The following ZNF723 variants were observed in gnomAD, a reference collection of about 807,000 sequenced individuals.
The protein encoded by ZNF723 is zinc finger protein 723.
A neutral mutation model predicts 9.4 loss-of-function variants in ZNF723; 5 were observed. The observed-to-expected ratio is 0.53, with a 90% CI of 0.28 to 1.12. The LOEUF is 1.12. ZNF723 is among the 50% of genes most tolerant of loss of function. The pLI, the probability that ZNF723 is intolerant of heterozygous loss-of-function variation, is 0.10. For missense variants in ZNF723, 450 were observed against 501.5 expected (o/e 0.90, Z 0.98); for synonymous variants, 158 against 168.8 (o/e 0.94, Z 0.49).
At chr19:22,836,876 G>A (rs1392405018) in intron 1 of ZNF723, among the ~76,000 whole-genome samples, 1 of 152,128 alleles carries the variant, frequency 6.6e-6, no homozygotes, top group Admixed American at 6.6e-5. Context: ...TTCCTGGGTT[G>A]TATCTTTTAT....
intron 1 of ZNF723, among the ~76,000 whole-genome samples, chr19:22,836,672 CTT>C (rs547426453): frequency 7.7e-4 from 117 of 152,250 alleles, no homozygotes; most frequent in Non-Finnish European, 1.4e-3. Flanking sequence ...AGAAGATAAA[CTT>C]AAGTGAAGTT....
upstream of ZNF723, among the ~76,000 whole-genome samples, chr19:22,828,030 A>C (rs577685531): frequency 6.6e-5 from 10 of 152,220 alleles, no homozygotes; most frequent in East Asian, 2.0e-3. Flanking sequence ...CAGTGAGCTG[A>C]GATTGTGACT....
At chr19:22,839,658 A>G (rs1196276461) in intron 1 of ZNF723, among the ~76,000 whole-genome samples, 2 of 151,852 alleles carry the variant, frequency 1.3e-5, no homozygotes, top group Admixed American at 1.3e-4. Context: ...TATTTTTAGT[A>G]GAGATGGGGT....
intron 3 of ZNF723, among the ~76,000 whole-genome samples, chr19:22,855,273 G>T (rs556986682): frequency 1.5e-3 from 216 of 147,790 alleles, no homozygotes; most frequent in African/African-American, 5.4e-3. Flanking sequence ...CTGTCACCCA[G>T]GCTGGAGTAC....
At chr19:22,830,535 A>AT (rs1491472262), upstream of ZNF723, among the ~76,000 whole-genome samples, 9 of 152,088 alleles carry the variant, frequency 5.9e-5, no homozygotes, top group African/African-American at 2.2e-4. Flanking sequence ...AAAAAAAAAA[A>AT]ATCCAGCTTC....
Position 22,857,826 on chromosome 19 carries a change from C to T in ZNF723, c.935C>T (p.Pro312Leu), listed in dbSNP as rs762185807. The change falls in exon 4 of 4, where the codon CCC becomes CTC. Residue 312 changes from proline (P) to leucine (L), a missense_variant. Pro to Leu is a moderately conservative substitution (Grantham distance 98). Transcript: ENST00000600766. ...AAGAGAATTCATACTGGAGAGAAACCCTACAAATGTGAAGAATGTGGCAAA... is the reference window on the plus strand; with the variant it reads ...AAGAGAATTCATACTGGAGAGAAACTCTACAAATGTGAAGAATGTGGCAAA... ...NHKRIHTGEK[P>L]YKCEECGKAF... 1.4e-5 allele frequency: 20 copies of T among 1,392,608 alleles called. No individual in the cohort carries two copies. The East Asian group carries it at 4.1e-4, about 29-fold the overall frequency. The allele number at this position is 1,392,608 out of a possible 1,614,324, so 86.3% of individuals were successfully genotyped here.
upstream of ZNF723, among the ~76,000 whole-genome samples, chr19:22,828,029 G>C (rs1279166273): frequency 3.9e-5 from 6 of 152,070 alleles, no homozygotes; most frequent in Admixed American, 6.5e-5. Flanking sequence ...GCAGTGAGCT[G>C]AGATTGTGAC....
chr19:22,820,330 C>T, the ZNF723 span, among the ~76,000 whole-genome samples: 1 of 152,188 alleles, frequency 6.6e-6, no homozygotes, highest in Non-Finnish European at 1.5e-5. Context: ...AGAATTGTGA[C>T]ATATCACTGG....
At chr19:22,853,939 A>G (rs1413450961) in intron 3 of ZNF723, among the ~76,000 whole-genome samples, 2 of 152,148 alleles carry the variant, frequency 1.3e-5, no homozygotes, top group Admixed American at 1.3e-4. Flanking sequence ...AAGGGTGTGT[A>G]TCCTGATGTT....
chr19:22,825,067 CA>C, the ZNF723 span, among the ~76,000 whole-genome samples: 1 of 152,122 alleles, frequency 6.6e-6, no homozygotes, highest in South Asian at 2.1e-4. Context: ...CACACCCACC[CA>C]AATGTAAAAG....
chr19:22,850,143 CA>C (rs1568407333), intron 3 of ZNF723, among the ~76,000 whole-genome samples: 1 of 148,016 alleles, frequency 6.8e-6, no homozygotes, highest in African/African-American at 2.5e-5. Context: ...TTTGGCTATT[CA>C]AAGTTTATTG....
chr19:22,845,576 T>C (rs1022759308), intron 1 of ZNF723, among the ~76,000 whole-genome samples: 1 of 152,152 alleles, frequency 6.6e-6, no homozygotes, highest in African/African-American at 2.4e-5. Flanking sequence ...GTGTGGCCCA[T>C]ATTTTTATTA....
intron 1 of ZNF723, among the ~76,000 whole-genome samples, chr19:22,841,532 C>G (rs114052504): frequency 0.014 from 2,143 of 152,308 alleles, 39 homozygotes; most frequent in African/African-American, 0.049. Flanking sequence ...TTTCCACACA[C>G]TGTCTAGAAT....
the ZNF723 span, among the ~76,000 whole-genome samples, chr19:22,826,029 C>T: frequency 2.0e-5 from 3 of 152,334 alleles, no homozygotes; most frequent in South Asian, 2.1e-4. Context: ...GGGTTCATCA[C>T]CTAGATGATG....
upstream of ZNF723, among the ~76,000 whole-genome samples, chr19:22,828,315 C>T (rs551515784): frequency 1.3e-5 from 2 of 152,228 alleles, no homozygotes; most frequent in African/African-American, 4.8e-5. Flanking sequence ...GAGTTTTGGT[C>T]ACACTCTGAC....
the ZNF723 span, among the ~76,000 whole-genome samples, chr19:22,824,086 T>C: frequency 6.6e-6 from 1 of 152,230 alleles, no homozygotes; most frequent in Non-Finnish European, 1.5e-5. Flanking sequence ...AAACTATTGC[T>C]TAAACTAGCA....
rs34792208 is a variant in ZNF723, at chr19:22,833,926, CTTTTTTTTTTTTT to C, written c.3+1554_3+1566del. On this transcript the variant is annotated intron_variant, in intron 1 of 3. Coordinates refer to ENST00000600766, the MANE Select transcript of ZNF723 (RefSeq NM_001349726.2). ...CGGCCGCTATTTGTTTTTTAGCGTA[CTTTTTTTTTTTTT>C]TTTTTTTTTCCGAGTCTCCTTCTGT... Among the ~76,000 whole-genome samples, 354 of 89,324 alleles carry C rather than the reference CTTTTTTTTTTTTT, an allele frequency of 4.0e-3. 3 individuals are homozygous for C. Among genetic ancestry groups the C allele is most frequent in the African/African-American group, 0.015 (339 of 22,892 alleles). 58.6% of individuals were successfully genotyped at this position (89,324 alleles called of 152,430 possible). A position where few individuals can be genotyped will look rare whatever the true frequency, so the allele number is the denominator to read the frequency against.
chr19:22,852,054 G>T (rs35535145), intron 3 of ZNF723, among the ~76,000 whole-genome samples: 31,945 of 152,038 alleles, frequency 0.21, 3,990 homozygotes, highest in African/African-American at 0.35. Flanking sequence ...CTCCCAAAGT[G>T]CTGGGATTAC....
upstream of ZNF723, among the ~76,000 whole-genome samples, chr19:22,831,555 T>C (rs188743891): frequency 7.6e-3 from 1,120 of 148,236 alleles, 10 homozygotes; most frequent in African/African-American, 0.027. Context: ...AGACTCCGTA[T>C]CAAAAAAAAA....
Sources: gnomAD v4.1 joint callset for allele counts (sites outside exome capture counted in the v4.1 genomes callset) on GRCh38, gnomAD v4.1.1 for gene constraint, MANE v1.5 for transcripts, NCBI Gene and HGNC (gene_info 2026-07-23, HGNC 2026-07-21) for gene names.